Variants in SLC31A1 observed in about 807,000 individuals in gnomAD.
SLC31A1 encodes solute carrier family 31 member 1, also known as high affinity copper uptake protein 1.
A neutral mutation model predicts 17.2 loss-of-function variants in SLC31A1; 5 were observed. The ratio of observed to expected loss-of-function variants is 0.29; its 90% CI spans 0.15 to 0.61. The LOEUF (loss-of-function observed/expected upper bound fraction) is 0.61. SLC31A1 is among the 20% of genes least tolerant of loss of function. The pLI, the probability that SLC31A1 is intolerant of heterozygous loss-of-function variation, is 0.86. For missense variants in SLC31A1, 161 were observed against 241.4 expected, an observed-to-expected ratio of 0.67 and a Z score of 2.21; for synonymous variants, 76 against 78.8, an observed-to-expected ratio of 0.96 and a Z score of 0.19.
In SLC31A1 at chr9:113,256,212, C is replaced by T. The variant is rs1411737226; in HGVS notation, c.64C>T (p.His22Tyr). Reference protein sequence around the residue: ...MDSNSTMQPSHHHPTTSASHS... With the variant: ...MDSNSTMQPSYHHPTTSASHS... The stretch of plus-strand genomic sequence containing the variant: ...CTCCAACAGTACCATGCAACCTTCT[C>T]ACCATCACCCAACCACTTCAGCCTC... The change falls in exon 2 of 5, where the codon CAC becomes TAC. Residue 22 changes from histidine (H) to tyrosine (Y), a missense_variant. His to Tyr is a moderately conservative substitution (Grantham distance 83). Coordinates refer to ENST00000374212, the MANE Select transcript of SLC31A1 (RefSeq NM_001859.4). 1.9e-6 allele frequency: 3 copies of T among 1,613,472 alleles called. No individual in the cohort carries two copies. The African/African-American group carries it at 4.0e-5, about 22-fold the overall frequency.
In SLC31A1 at chr9:113,244,195, T is replaced by A. The variant is rs1161534291; in HGVS notation, c.-35-11919T>A. On this transcript the variant is annotated intron_variant, in intron 1 of 4. Coordinates refer to ENST00000374212, the MANE Select transcript of SLC31A1 (RefSeq NM_001859.4). Reference sequence around the variant, plus strand: ...AAAAAAAAAAGGCTATTCCTACTACTTCATAGCTTCTGTTTTATTCTTTTA... The same window carrying A: ...AAAAAAAAAAGGCTATTCCTACTACATCATAGCTTCTGTTTTATTCTTTTA... Among the ~76,000 whole-genome samples, 4 of 149,936 alleles carry A rather than the reference T, an allele frequency of 2.7e-5. 1 individual carries two copies. The highest frequency in any genetic ancestry group is 9.8e-5 in the African/African-American group (4 of 40,812).
intron 1 of SLC31A1, among the ~76,000 whole-genome samples, chr9:113,231,083 T>C (rs1297783655): frequency 1.3e-5 from 2 of 152,150 alleles, no homozygotes; most frequent in Non-Finnish European, 2.9e-5. Context: ...AAGTGCCATA[T>C]CCTTCCTTTT....
Position 113,261,408 on chromosome 9 carries a change from AGT to A in SLC31A1, c.*940_*941del, listed in dbSNP as rs1401932512. The A allele has an allele frequency of 3.3e-5, 5 of 152,676 alleles. No homozygotes were observed. The highest frequency in any genetic ancestry group is 7.2e-5 in the African/African-American group (3 of 41,466). The allele number at this position is 152,676 out of a possible 1,614,324, so 9.5% of individuals were successfully genotyped here. On this transcript the variant is annotated 3_prime_UTR_variant, in exon 5 of 5. Transcript: ENST00000374212. ...CTAAATACAGGCTTAGAACTTGCAG[AGT>A]GTGTATTCTTGGATGGCTGATGCAT...
chr9:113,255,302 C>A (rs913550019), intron 1 of SLC31A1, among the ~76,000 whole-genome samples: 1 of 152,238 alleles, frequency 6.6e-6, no homozygotes, highest in Non-Finnish European at 1.5e-5. Context: ...AGTTAAATTT[C>A]ATTAATGGCA....
At position 113,263,280 on chromosome 9, in the gene SLC31A1, C is replaced by T. The variant is rs576474661; in HGVS notation, c.*2807C>T. 1.3e-5 allele frequency: 2 copies of T among 152,262 alleles called. No homozygotes were observed. Among genetic ancestry groups the T allele is most frequent in the African/African-American group, 4.8e-5 (2 of 41,562 alleles). 9.4% of individuals were successfully genotyped at this position (152,262 alleles called of 1,614,324 possible). ...GGATAGAGATAATCTCCTGAAAAAC[C>T]TGAATTTCAGAGATTCTTAGACTGG... On this transcript the variant is annotated 3_prime_UTR_variant, in exon 5 of 5. Transcript: ENST00000374212.
chr9:113,223,622 T>C (rs909345380), intron 1 of SLC31A1, among the ~76,000 whole-genome samples: 3 of 152,232 alleles, frequency 2.0e-5, no homozygotes, highest in Admixed American at 6.5e-5. Flanking sequence ...TCATAAAATA[T>C]ATTGTCAACC....
chr9:113,232,771 G>C (rs913590990), intron 1 of SLC31A1, among the ~76,000 whole-genome samples: 12 of 151,958 alleles, frequency 7.9e-5, no homozygotes, highest in African/African-American at 2.9e-4. Flanking sequence ...TTGAACCCAG[G>C]AGGTGGAGGT....
In SLC31A1 at chr9:113,262,574, A is replaced by C. The variant is rs1831805852; in HGVS notation, c.*2101A>C. The C allele has an allele frequency of 1.3e-5, 2 of 152,612 alleles. No individual in the cohort carries two copies. Among genetic ancestry groups the C allele is most frequent in the Non-Finnish European group, 2.9e-5 (2 of 68,042 alleles). The allele number at this position is 152,612 out of a possible 1,614,324, so 9.5% of individuals were successfully genotyped here. On this transcript the variant is annotated 3_prime_UTR_variant, in exon 5 of 5. Coordinates refer to ENST00000374212, the MANE Select transcript of SLC31A1 (RefSeq NM_001859.4). ...TGTGGACTTGTATGGCTTTGAACCA[A>C]GAGAGGGTTATGAGCCTACTGGATT...
chr9:113,256,008 G>A lies in SLC31A1; in HGVS notation c.-35-106G>A, dbSNP rs909265548. 7.6e-6 allele frequency: 6 copies of A among 791,926 alleles called. No individual in the cohort carries two copies. In the African/African-American group the frequency reaches 1.0e-4, roughly 14 times the overall value. 49.1% of individuals were successfully genotyped at this position (791,926 alleles called of 1,614,324 possible). ...GGGATCATGCCTGTGAATAGCCATTGCATTCCAGCCTGGGCAACATAGCAA... is the reference window on the plus strand; with the variant it reads ...GGGATCATGCCTGTGAATAGCCATTACATTCCAGCCTGGGCAACATAGCAA... On this transcript the variant is annotated intron_variant, in intron 1 of 4. Transcript: ENST00000374212.
intron 1 of SLC31A1, among the ~76,000 whole-genome samples, chr9:113,253,798 G>C (rs1831689152): frequency 6.6e-6 from 1 of 151,992 alleles, no homozygotes; most frequent in Non-Finnish European, 1.5e-5. Flanking sequence ...TGGCATGAAA[G>C]TGGATCTTTG....
chr9:113,231,541 A>G (rs1233976892), intron 1 of SLC31A1, among the ~76,000 whole-genome samples: 1 of 150,586 alleles, frequency 6.6e-6, no homozygotes, highest in East Asian at 2.0e-4. Flanking sequence ...TCCAGCCGGG[A>G]CAACAGAATA....
At chr9:113,247,893 T>G (rs1370877451) in intron 1 of SLC31A1, among the ~76,000 whole-genome samples, 1 of 152,184 alleles carries the variant, frequency 6.6e-6, no homozygotes, top group Non-Finnish European at 1.5e-5. Flanking sequence ...CCCTAGAAAC[T>G]GAATAGTTTA....
intron 1 of SLC31A1, chr9:113,223,181 A>G (rs1831303727): frequency 4.6e-6 from 2 of 433,588 alleles, no homozygotes; most frequent in Middle Eastern, 8.2e-4. Flanking sequence ...TAAAATCAAT[A>G]GCCTTTTTGG....
chr9:113,253,850 T>C (rs1293975669), intron 1 of SLC31A1, among the ~76,000 whole-genome samples: 1 of 151,778 alleles, frequency 6.6e-6, no homozygotes. Flanking sequence ...TCACTAGAAA[T>C]AAGAACCTAT....
chr9:113,256,916 A>G (rs1831735214), intron 2 of SLC31A1, among the ~76,000 whole-genome samples, 197 bp from the exon 3 acceptor site: 1 of 151,308 alleles, frequency 6.6e-6, no homozygotes, highest in Admixed American at 6.6e-5. Context: ...AGAAAAGTTG[A>G]TGGTGGGGGC....
chr9:113,240,181 A>G (rs1404383141), intron 1 of SLC31A1, among the ~76,000 whole-genome samples: 1 of 152,168 alleles, frequency 6.6e-6, no homozygotes, highest in Non-Finnish European at 1.5e-5. Flanking sequence ...ACTTACACAA[A>G]TGATAATTAT....
chr9:113,221,622 G>C lies in SLC31A1; in HGVS notation c.-92G>C. ...GGGGCCGTTCGAAGAGTCGTGAGGG[G>C]GTGACGGGTTAAGATTCGGAGAGAG... On this transcript the variant is annotated 5_prime_UTR_variant, in exon 1 of 5. Coordinates refer to ENST00000374212, the MANE Select transcript of SLC31A1 (RefSeq NM_001859.4). 2.7e-6 allele frequency: 1 copy of C among 376,154 alleles called. No individual in the cohort carries two copies. Among genetic ancestry groups the C allele is most frequent in the Non-Finnish European group, 5.1e-6 (1 of 195,474 alleles). 23.3% of individuals were successfully genotyped at this position (376,154 alleles called of 1,614,324 possible).
At chr9:113,235,224 A>G (rs1018759662) in intron 1 of SLC31A1, among the ~76,000 whole-genome samples, 2 of 152,338 alleles carry the variant, frequency 1.3e-5, no homozygotes, top group African/African-American at 4.8e-5. Flanking sequence ...CAATACATGT[A>G]TGAAAAAGTT....
chr9:113,260,103 C>G (rs909864207), intron 4 of SLC31A1, among the ~76,000 whole-genome samples, 169 bp from the exon 5 acceptor site: 1 of 152,184 alleles, frequency 6.6e-6, no homozygotes, highest in Non-Finnish European at 1.5e-5. Context: ...CCTGACAGCC[C>G]TGTGCTGTTT....
Sources: allele counts gnomAD v4.1 joint callset (sites outside exome capture counted in the v4.1 genomes callset), GRCh38; gene constraint gnomAD v4.1.1; transcripts MANE v1.5; gene names NCBI Gene and HGNC (gene_info 2026-07-23, HGNC 2026-07-21).